Variants in WDFY4 observed in about 807,000 individuals in gnomAD.
The protein encoded by WDFY4 is WDFY family member 4.
WDFY4 carries 169 observed loss-of-function variants against 351.9 expected under a neutral mutation model. That is an observed-to-expected ratio of 0.48 (90% CI 0.42 to 0.55). The LOEUF (loss-of-function observed/expected upper bound fraction) is 0.55, where lower values mean the gene tolerates loss of function less well. Ranked by LOEUF, WDFY4 falls within the 20% of genes least tolerant of loss-of-function variation. WDFY4 has a pLI of 0.00. For missense variants in WDFY4, 3,803 were observed against 3,935.6 expected (o/e 0.97, Z 0.90); for synonymous variants, 1,622 against 1,574.6 (o/e 1.03, Z -0.71).
At chr10:48,938,621 A>G (rs193222665) in intron 47 of WDFY4, among the ~76,000 whole-genome samples, 45 of 152,300 alleles carry the variant, frequency 3.0e-4, no homozygotes, top group African/African-American at 1.0e-3. Flanking sequence ...AAGCAGGACT[A>G]TGGGGCAACT....
chr10:48,918,819 G>A (rs896649747), intron 47 of WDFY4, among the ~76,000 whole-genome samples: 4 of 152,188 alleles, frequency 2.6e-5, no homozygotes, highest in Non-Finnish European at 5.9e-5. Context: ...GCAGAGTAAG[G>A]CCAGAAGATT....
intron 12 of WDFY4, among the ~76,000 whole-genome samples, chr10:48,750,221 A>C (rs780955440): frequency 6.6e-5 from 10 of 152,222 alleles, no homozygotes; most frequent in Non-Finnish European, 1.2e-4. Context: ...GGGACAGTGT[A>C]GTTCCTGAAC....
rs144830670 is a variant in WDFY4, at chr10:48,718,567, G to A, written c.235-1444G>A. Among the ~76,000 whole-genome samples the A allele has an allele frequency of 3.1e-3, 475 of 152,370 alleles. 2 individuals are homozygous for A. Among genetic ancestry groups the A allele is most frequent in the African/African-American group, 0.011 (440 of 41,580 alleles). On this transcript the variant is annotated intron_variant, in intron 2 of 61. Coordinates refer to ENST00000325239, the MANE Select transcript of WDFY4 (RefSeq NM_001394531.1). ...GGGCAGCAAAACTGCCTTCCGTGGA[G>A]GCCACGGATGCCCGGAATGTGCACA...
chr10:48,902,258 C>T (rs554269346), intron 47 of WDFY4, among the ~76,000 whole-genome samples: 1 of 152,348 alleles, frequency 6.6e-6, no homozygotes, highest in South Asian at 2.1e-4. Context: ...AAGCTAAATT[C>T]ATACAAGTTG....
intron 53 of WDFY4, among the ~76,000 whole-genome samples, chr10:48,960,361 A>G (rs1421999370): frequency 6.6e-6 from 1 of 152,216 alleles, no homozygotes; most frequent in African/African-American, 2.4e-5. Flanking sequence ...CTACCATGAG[A>G]TGAGATGCTA....
rs1298436923 is a variant in WDFY4 at position 48,980,960 on chromosome 10, C to T, written c.9377-407C>T. On this transcript the variant is annotated intron_variant, in intron 60 of 61. Coordinates refer to ENST00000325239, the MANE Select transcript of WDFY4 (RefSeq NM_001394531.1). ...GAGGATTAAGATAAGTTGATAATGCCGACTTTATGTAATTTATTTTTACTA... is the reference window on the plus strand; with the variant it reads ...GAGGATTAAGATAAGTTGATAATGCTGACTTTATGTAATTTATTTTTACTA... Among the ~76,000 whole-genome samples, 7 of 152,216 alleles carry T rather than the reference C, an allele frequency of 4.6e-5. No homozygotes were observed. In the East Asian group the frequency reaches 5.8e-4, roughly 13 times the overall value.
intron 12 of WDFY4, among the ~76,000 whole-genome samples, chr10:48,758,475 A>T (rs1481852271): frequency 6.6e-6 from 1 of 152,222 alleles, no homozygotes; most frequent in Non-Finnish European, 1.5e-5. Context: ...TGAAGAAAGA[A>T]GTACTAAAAA....
chr10:48,821,000 T>G, intron 33 of WDFY4, 62 bp from the exon 34 acceptor site: 1 of 1,195,348 alleles, frequency 8.4e-7, no homozygotes, highest in Non-Finnish European at 1.2e-6. Flanking sequence ...AGGGAGGCGG[T>G]GGGCACTGGG....
intron 13 of WDFY4, among the ~76,000 whole-genome samples, chr10:48,761,581 G>A (rs1008538802): frequency 3.9e-5 from 6 of 152,186 alleles, no homozygotes; most frequent in African/African-American, 1.2e-4. Flanking sequence ...GAGCCAAGGC[G>A]ACTCTCAAGT....
intron 39 of WDFY4, among the ~76,000 whole-genome samples, chr10:48,837,601 A>C (rs1215402087): frequency 6.6e-6 from 1 of 152,148 alleles, no homozygotes; most frequent in Non-Finnish European, 1.5e-5. Context: ...AGGTGAGAAA[A>C]GAGGGCCACC....
At chr10:48,807,753 A>G in intron 27 of WDFY4, 106 bp from the exon 28 acceptor site, 1 of 1,312,286 alleles carries the variant, frequency 7.6e-7, no homozygotes, top group East Asian at 2.7e-5. Flanking sequence ...CAGCCATGCC[A>G]CAATTCCTGG....
At position 48,742,996 on chromosome 10, in the gene WDFY4, A is replaced by G; in HGVS notation, c.1907A>G (p.Lys636Arg). 1 of 1,550,098 alleles carries G rather than the reference A, an allele frequency of 6.5e-7. No homozygotes were observed. The highest frequency in any genetic ancestry group is 8.7e-7 in the Non-Finnish European group (1 of 1,146,602). ...CTGCTCCGGATCCTGGTGACCCCCA[A>G]GGGTCGTGCTGCCTTCAGAGTCTCC... ...KSLLRILVTPKGRAAFRVSSG... is the reference protein window; with the variant it reads ...KSLLRILVTPRGRAAFRVSSG... The change falls in exon 12 of 62, where the codon AAG becomes AGG. Residue 636 changes from lysine to arginine, a missense_variant. Transcript: ENST00000325239.
chr10:48,729,802 G>A (rs934351813), intron 8 of WDFY4, among the ~76,000 whole-genome samples: 1 of 152,326 alleles, frequency 6.6e-6, no homozygotes, highest in Admixed American at 6.5e-5. Context: ...AACGGAGGCA[G>A]CCTCTACTTC....
chr10:48,901,853 C>T lies in WDFY4; in HGVS notation c.7576C>T (p.Leu2526Phe). ...LKGKATSEDTLSLRRYPGSDR... is the reference protein window; with the variant it reads ...LKGKATSEDTFSLRRYPGSDR... The stretch of plus-strand genomic sequence containing the variant: ...GGGGAAAGCCACCTCGGAGGACACC[C>T]TCAGTCTAAGGTAATGGCGGGTAGC... The change falls in exon 47 of 62, where the codon CTC becomes TTC. Residue 2526 changes from leucine to phenylalanine, a missense_variant. Physicochemically the swap from Leu to Phe is conservative, Grantham distance 22. Transcript: ENST00000325239. The T allele has an allele frequency of 6.4e-7, 1 of 1,551,574 alleles. No homozygotes were observed.
At chr10:48,805,562 T>C (rs753875707) in intron 26 of WDFY4, 141 bp downstream of exon 26, 18 of 1,215,390 alleles carry the variant, frequency 1.5e-5, no homozygotes, top group African/African-American at 1.5e-5. Context: ...GGGCTGAGAG[T>C]TGGGGAAAGG....
chr10:48,979,615 ATGGATGGACGGG>A (rs760678318), intron 60 of WDFY4: 1 of 151,744 alleles, frequency 6.6e-6, no homozygotes, highest in African/African-American at 2.4e-5. Flanking sequence ...GGATGGATGG[ATGGATGGACGGG>A]TGGATGGATG....
chr10:48,874,037 G>A lies in WDFY4; in HGVS notation c.6948+340G>A, dbSNP rs113466810. Among the ~76,000 whole-genome samples the A allele has an allele frequency of 5.3e-3, 802 of 152,316 alleles. 14 individuals carry two copies. Among genetic ancestry groups the A allele is most frequent in the African/African-American group, 0.019 (773 of 41,566 alleles). On this transcript the variant is annotated intron_variant, in intron 41 of 61. Coordinates refer to ENST00000325239, the MANE Select transcript of WDFY4 (RefSeq NM_001394531.1). ...TCATCTGGATGCAAGTGCTTGGAAA[G>A]GGCCAGGGGAAGGCTATTGTCTGCT...
At chr10:48,711,879 G>T (rs1478649479) in intron 2 of WDFY4, among the ~76,000 whole-genome samples, 1 of 152,142 alleles carries the variant, frequency 6.6e-6, no homozygotes, top group Non-Finnish European at 1.5e-5. Flanking sequence ...GAAAATTTTG[G>T]TAGATCTAAT....
At chr10:48,853,674 T>G (rs145546056) in intron 39 of WDFY4, among the ~76,000 whole-genome samples, 2 of 152,370 alleles carry the variant, frequency 1.3e-5, no homozygotes, top group East Asian at 3.9e-4. Context: ...TGGAACCACA[T>G]CAGGCTTCTG....
Sources: allele counts gnomAD v4.1 joint callset (sites outside exome capture counted in the v4.1 genomes callset), GRCh38; gene constraint gnomAD v4.1.1; transcripts MANE v1.5; gene names NCBI Gene and HGNC (gene_info 2026-07-23, HGNC 2026-07-21).